GPR137B: variants seen among roughly 807,000 people sequenced by gnomAD.
GPR137B encodes the protein integral membrane protein GPR137B.
Under a neutral mutation model 42.5 loss-of-function variants are expected in GPR137B, and 42 were observed. The observed-to-expected ratio is 0.99, with a 90% confidence interval of 0.77 to 1.28. GPR137B has a LOEUF of 1.28. Ranked by LOEUF, GPR137B falls within the 50% of genes most tolerant of loss-of-function variation. The pLI is 0.00. For missense variants in GPR137B, 487 were observed against 493.9 expected (o/e 0.99, Z 0.13); for synonymous variants, 218 against 209.7 (o/e 1.04, Z -0.34).
At position 236,151,424 on chromosome 1, in the gene GPR137B, T is replaced by C. The variant is rs1250360038; in HGVS notation, c.414+8388T>C. ...TGGTCTCTGTTGCATATTCATTTTT[T>C]TTTTTTTTTTTTTTTTTTGAGACAG... On this transcript the variant is annotated intron_variant, in intron 1 of 6. Coordinates refer to ENST00000366592, the MANE Select transcript of GPR137B (RefSeq NM_003272.4). Among the ~76,000 whole-genome samples the C allele has an allele frequency of 8.4e-5, 12 of 143,128 alleles. No individual in the cohort carries two copies. The East Asian group carries it at 1.6e-3, about 20-fold the overall frequency. 93.9% of individuals were successfully genotyped at this position (143,128 alleles called of 152,430 possible).
At position 236,155,809 on chromosome 1, in the gene GPR137B, C is replaced by T. The variant is rs1015449997; in HGVS notation, c.414+12773C>T. Among the ~76,000 whole-genome samples the T allele has an allele frequency of 3.9e-5, 6 of 152,190 alleles. No homozygotes were observed. Among genetic ancestry groups the T allele is most frequent in the Admixed American group, 1.3e-4 (2 of 15,284 alleles). On this transcript the variant is annotated intron_variant, in intron 1 of 6. Transcript: ENST00000366592. This position sits in a 1 kb window ranked among gnomAD's most constrained non-coding sequence, Gnocchi z 4.6. The stretch of plus-strand genomic sequence containing the variant: ...GGAAGGGGGACAGTGAGTGGAGATG[C>T]CCTTTATCTATAAAGGTAAAGACTG...
chr1:236,199,975 T>C (rs930925964), intron 5 of GPR137B, among the ~76,000 whole-genome samples: 2 of 152,052 alleles, frequency 1.3e-5, no homozygotes, highest in East Asian at 3.8e-4. Flanking sequence ...CCAGACTTTT[T>C]TGATGTAGGA....
At chr1:236,200,327 G>A (rs908142085) in intron 5 of GPR137B, among the ~76,000 whole-genome samples, 1 of 152,014 alleles carries the variant, frequency 6.6e-6, no homozygotes, top group South Asian at 2.1e-4. Flanking sequence ...ATATTCTGCA[G>A]TTGTTGGGTA....
intron 2 of GPR137B, 21 bp downstream of exon 2, chr1:236,168,776 C>T (rs759842797): frequency 1.3e-6 from 2 of 1,540,332 alleles, no homozygotes; most frequent in South Asian, 2.2e-5. Context: ...CAGGGCATCT[C>T]TTTCTGTGGT....
chr1:236,175,640 C>A (rs563510410), intron 2 of GPR137B, among the ~76,000 whole-genome samples: 2 of 152,266 alleles, frequency 1.3e-5, no homozygotes, highest in East Asian at 3.9e-4. Flanking sequence ...CTCCACAGCT[C>A]CTTTGGCCCA....
intron 3 of GPR137B, among the ~76,000 whole-genome samples, 153 bp downstream of exon 3, chr1:236,178,789 T>TTTTTTTTTTG (rs1558488549): frequency 1.6e-5 from 1 of 62,608 alleles, no homozygotes; most frequent in Non-Finnish European, 3.2e-5. Flanking sequence ...CTCGAGGTTT[T>TTTTTTTTTTG]TTTTTTTTTT....
intron 2 of GPR137B, among the ~76,000 whole-genome samples, chr1:236,169,392 C>T (rs1662467619): frequency 6.6e-6 from 1 of 152,364 alleles, no homozygotes; most frequent in East Asian, 1.9e-4. Flanking sequence ...CAGCTGCTTG[C>T]AGGGTATCCA....
intron 1 of GPR137B, among the ~76,000 whole-genome samples, chr1:236,147,440 CT>C (rs1487071162): frequency 1.3e-5 from 2 of 152,256 alleles, no homozygotes; most frequent in Non-Finnish European, 2.9e-5. Context: ...CTTTAGGCCC[CT>C]TTTCGAAAAG....
chr1:236,178,765 C>A (rs1558488518), intron 3 of GPR137B, 129 bp downstream of exon 3: 1 of 371,188 alleles, frequency 2.7e-6, no homozygotes, highest in Non-Finnish European at 5.2e-6. Flanking sequence ...TTATTGTCTC[C>A]CACACAGGGG....
At chr1:236,174,620 A>G (rs1662631365) in intron 2 of GPR137B, among the ~76,000 whole-genome samples, 1 of 152,214 alleles carries the variant, frequency 6.6e-6, no homozygotes, top group African/African-American at 2.4e-5. Context: ...GAAGAACATT[A>G]CAGTTAGAGT....
chr1:236,148,883 G>A (rs1199651930), intron 1 of GPR137B, among the ~76,000 whole-genome samples: 1 of 152,092 alleles, frequency 6.6e-6, no homozygotes, highest in Admixed American at 6.5e-5. Flanking sequence ...GTTCCAATCC[G>A]GGCTTTGCCT....
At chr1:236,200,525 C>T (rs539666669) in intron 5 of GPR137B, among the ~76,000 whole-genome samples, 1 of 151,842 alleles carries the variant, frequency 6.6e-6, no homozygotes, top group African/African-American at 2.4e-5. Flanking sequence ...TTTGGGGGCT[C>T]CCATATTAGG....
At chr1:236,200,327 G>C (rs908142085) in intron 5 of GPR137B, among the ~76,000 whole-genome samples, 2 of 152,014 alleles carry the variant, frequency 1.3e-5, no homozygotes, top group Admixed American at 6.5e-5. Context: ...ATATTCTGCA[G>C]TTGTTGGGTA....
At chr1:236,202,448 GCTT>G (rs1663519479) in intron 5 of GPR137B, among the ~76,000 whole-genome samples, 1 of 151,922 alleles carries the variant, frequency 6.6e-6, no homozygotes, top group South Asian at 2.1e-4. Flanking sequence ...GTGGCCTGCC[GCTT>G]CTTTCCAAGT....
chr1:236,179,515 T>TG (rs917441309), intron 3 of GPR137B, among the ~76,000 whole-genome samples: 7 of 152,164 alleles, frequency 4.6e-5, no homozygotes, highest in African/African-American at 1.7e-4. Flanking sequence ...CCAGAGGCCC[T>TG]GGCCCCGGGC....
At position 236,179,878 on chromosome 1, in the gene GPR137B, G is replaced by C. The variant is rs749789524; in HGVS notation, c.688-1G>C. The C allele has an allele frequency of 1.1e-5, 17 of 1,571,222 alleles. No homozygotes were observed. The highest frequency in any genetic ancestry group is 1.3e-5 in the Non-Finnish European group (15 of 1,159,592). ...CATACCTTCTGCTCCCTCTTTTCCA[G>C]GGCTCCTCCGTGTGTCAAGTGACTG... On this transcript the variant is annotated splice_acceptor_variant, in intron 3 of 6. Coordinates refer to ENST00000366592, the MANE Select transcript of GPR137B (RefSeq NM_003272.4). LOFTEE classifies it high-confidence loss of function.
At chr1:236,196,434 G>T (rs550769892) in intron 5 of GPR137B, among the ~76,000 whole-genome samples, 10 of 152,080 alleles carry the variant, frequency 6.6e-5, no homozygotes. Context: ...GCCACTGTGC[G>T]TGGCCAAGAA....
At position 236,143,005 on chromosome 1, in the gene GPR137B, C is replaced by T; in HGVS notation, c.383C>T (p.Thr128Ile). 7 of 1,613,620 alleles carry T rather than the reference C, an allele frequency of 4.3e-6. No individual in the cohort carries two copies. Among genetic ancestry groups the T allele is most frequent in the Non-Finnish European group, 5.9e-6 (7 of 1,179,862 alleles). The change falls in exon 1 of 7, where the codon ACC becomes ATC. Residue 128 changes from threonine (T) to isoleucine (I), a missense_variant. By Grantham distance (89) the Thr-to-Ile change is moderately conservative. Coordinates refer to ENST00000366592, the MANE Select transcript of GPR137B (RefSeq NM_003272.4). ...YCFPVCLQFF[T>I]LTLMNLYFTQ... ...TTCCCTGTGTGCCTGCAGTTTTTCA[C>T]CCTCACGCTGATGAACTTGTACTTC...
At chr1:236,144,301 G>T (rs1019359558) in intron 1 of GPR137B, among the ~76,000 whole-genome samples, 7 of 152,206 alleles carry the variant, frequency 4.6e-5, no homozygotes, top group Non-Finnish European at 7.4e-5. Context: ...TGTAGTTCCA[G>T]CTACTCAGGA....
Sources: allele counts gnomAD v4.1 joint callset (sites outside exome capture counted in the v4.1 genomes callset), GRCh38; gene constraint gnomAD v4.1.1; non-coding constraint Gnocchi (gnomAD v3.1); transcripts MANE v1.5; gene names NCBI Gene and HGNC (gene_info 2026-07-23, HGNC 2026-07-21).